The following CP variants were observed in gnomAD, a reference collection of about 807,000 sequenced individuals.
The protein encoded by CP is ceruloplasmin, also known as caeruloplasmin.
A neutral mutation model predicts 122.4 loss-of-function variants in CP; 64 were observed. The observed-to-expected ratio is 0.52, with a 90% CI of 0.43 to 0.64. CP has a LOEUF of 0.64. CP is among the 30% of genes least tolerant of loss of function. The pLI, the probability that CP is intolerant of heterozygous loss-of-function variation, is 0.00. For synonymous variants in CP, 440 were observed against 436.4 expected (o/e 1.01, Z -0.10); for missense variants, 1,167 against 1,284.4 (o/e 0.91, Z 1.40).
At chr3:149,198,639 C>G (rs980852256) in intron 8 of CP, 61 bp from the exon 9 acceptor site, 79 of 1,428,630 alleles carry the variant, frequency 5.5e-5, no homozygotes, top group Non-Finnish European at 6.9e-5. Context: ...ATTTGAGCCA[C>G]AAAGTAGACT....
chr3:149,185,099 G>A, intron 12 of CP, 140 bp downstream of exon 12: 5 of 753,764 alleles, frequency 6.6e-6, no homozygotes, highest in South Asian at 1.7e-5. Flanking sequence ...CCTAGGAAGT[G>A]TTTTGTTGTT....
rs1388895222 is a variant in CP at position 149,182,210 on chromosome 3, C to T, written c.2426-77G>A. ...TAAAAGCAAAGATCAGCAAAGATAA[C>T]TTGTTTCTCTCCCCCATGGGTTTGT... On this transcript the variant is annotated intron_variant, in intron 13 of 18. Transcript: ENST00000264613. 7 of 1,550,028 alleles carry T rather than the reference C, an allele frequency of 4.5e-6. No homozygotes were observed. The Admixed American group carries it at 1.0e-4, about 22-fold the overall frequency.
At position 149,179,653 on chromosome 3, in the gene CP, AGAGTTTCACCT is replaced by A. The variant is rs758032818; in HGVS notation, c.2555-2_2563del. 6.2e-7 allele frequency: 1 copy of A among 1,612,016 alleles called. No homozygotes were observed. The highest frequency in any genetic ancestry group is 2.2e-5 in the East Asian group (1 of 44,704). ...TTCTGGGATTTTCCATACGTAAGTG[AGAGTTTCACCT>A]AAATTCATCAAGTGTTAATGGATCT... On this transcript the variant is annotated splice_acceptor_variant and coding_sequence_variant, in exon 15 of 19. Transcript: ENST00000264613. LOFTEE classifies it high-confidence loss of function.
In CP at chr3:149,176,429, A is replaced by G; in HGVS notation, c.3019-17T>C. The G allele has an allele frequency of 6.4e-7, 1 of 1,572,122 alleles. No homozygotes were observed. The highest frequency in any genetic ancestry group is 8.8e-7 in the Non-Finnish European group (1 of 1,141,940). ...TCCCCTGTGCTTAATTAGAAAAATG[A>G]CAAATAATGTATAATATTGTATATG... On this transcript the variant is annotated splice_polypyrimidine_tract_variant and intron_variant, in intron 17 of 18. Coordinates refer to ENST00000264613, the MANE Select transcript of CP (RefSeq NM_000096.4).
chr3:149,186,221 T>C, intron 11 of CP: 1 of 428,004 alleles, frequency 2.3e-6, no homozygotes, highest in South Asian at 2.3e-5. Flanking sequence ...CTAGTCTGAT[T>C]TTCCAGCTAT....
intron 2 of CP, among the ~76,000 whole-genome samples, chr3:149,212,237 G>A (rs920005377): frequency 3.3e-5 from 5 of 151,944 alleles, no homozygotes; most frequent in African/African-American, 7.3e-5. Context: ...CTTGAACCCC[G>A]GATGCGGTGC....
intron 1 of CP, chr3:149,217,720 A>G: frequency 5.3e-6 from 1 of 188,544 alleles, no homozygotes; most frequent in Non-Finnish European, 1.1e-5. Flanking sequence ...TTCTTTAAAA[A>G]TATTTTATTT....
At chr3:149,167,941 TGTG>T (rs750099827), downstream of CP, 25 of 1,607,230 alleles carry the variant, frequency 1.6e-5, no homozygotes, top group African/African-American at 2.7e-5. Context: ...GAGAATAAAA[TGTG>T]GTGGAGAGAA....
chr3:149,173,686 T>C lies in CP; in HGVS notation c.*28A>G, dbSNP rs752870603. ...GTTATGAATCATTGGTTTTTCTCTT[T>C]TTTCCACTTATCACCAATTTATTTC... On this transcript the variant is annotated 3_prime_UTR_variant, in exon 19 of 19. Transcript: ENST00000264613. 10 of 1,421,418 alleles carry C rather than the reference T, an allele frequency of 7.0e-6. No homozygotes were observed. The highest frequency in any genetic ancestry group is 8.8e-6 in the Non-Finnish European group (9 of 1,026,576). The allele number at this position is 1,421,418 out of a possible 1,614,324, so 88.1% of individuals were successfully genotyped here.
chr3:149,196,205 CAAAT>C (rs1176723098), intron 9 of CP, among the ~76,000 whole-genome samples: 4 of 151,996 alleles, frequency 2.6e-5, no homozygotes, highest in Admixed American at 6.5e-5. Flanking sequence ...TGGGATGAAT[CAAAT>C]GAATATGTTG....
intron 4 of CP, among the ~76,000 whole-genome samples, chr3:149,207,827 A>G (rs1727849825): frequency 6.6e-6 from 1 of 152,180 alleles, no homozygotes; most frequent in African/African-American, 2.4e-5. Flanking sequence ...TCTTATCAAT[A>G]CCATATTAAC....
rs71304221 is a variant in CP at position 149,179,711 on chromosome 3, TACAC to T, written c.2555-53_2555-50del. The T allele has an allele frequency of 0.055, 33,500 of 604,868 alleles. 161 individuals carry two copies. The highest frequency in any genetic ancestry group is 0.072 in the Middle Eastern group (174 of 2,430). The allele number at this position is 604,868 out of a possible 1,614,324, so 37.5% of individuals were successfully genotyped here. A position where few individuals can be genotyped will look rare whatever the true frequency, so the allele number is the denominator to read the frequency against. ...ATCTGGTTGTATTTGGTTTATATTG[TACAC>T]ACACACACACACACACACACACACA... On this transcript the variant is annotated intron_variant, in intron 14 of 18. Coordinates refer to ENST00000264613, the MANE Select transcript of CP (RefSeq NM_000096.4).
intron 11 of CP, chr3:149,186,294 C>G: frequency 1.7e-6 from 1 of 576,232 alleles, no homozygotes; most frequent in Non-Finnish European, 3.1e-6. Flanking sequence ...TGGAGAAAAC[C>G]ACACCATGTT....
downstream of CP, among the ~76,000 whole-genome samples, chr3:149,169,284 G>C (rs530416442): frequency 2.6e-5 from 4 of 152,164 alleles, no homozygotes; most frequent in Non-Finnish European, 5.9e-5. Context: ...GTTGTACACT[G>C]AAAAGAGCCC....
At chr3:149,164,537 A>G (rs1458214498) in intron 5 of CP, among the ~76,000 whole-genome samples, 2 of 152,210 alleles carry the variant, frequency 1.3e-5, no homozygotes, top group African/African-American at 4.8e-5. Flanking sequence ...CCACATGAGC[A>G]TATGATTTTA....
At position 149,185,129 on chromosome 3, in the gene CP, T is replaced by C. The variant is rs1576739947; in HGVS notation, c.2285+110A>G. 1.4e-5 allele frequency: 12 copies of C among 886,932 alleles called. No homozygotes were observed. The East Asian group carries it at 2.4e-4, about 18-fold the overall frequency. The allele number at this position is 886,932 out of a possible 1,614,324, so 54.9% of individuals were successfully genotyped here. A position where few individuals can be genotyped will look rare whatever the true frequency, so the allele number is the denominator to read the frequency against. ...GTTGTTGTTGTTGTTGTTGTTGTTA[T>C]TGTTTAATGCAACTTTTTTTTTTTT... On this transcript the variant is annotated intron_variant, in intron 12 of 18. Coordinates refer to ENST00000264613, the MANE Select transcript of CP (RefSeq NM_000096.4).
At chr3:149,187,362 C>T (rs924757292) in intron 10 of CP, among the ~76,000 whole-genome samples, 1 of 152,076 alleles carries the variant, frequency 6.6e-6, no homozygotes. Context: ...CTATTGGCTA[C>T]AATAATTTTT....
chr3:149,205,366 C>A, intron 6 of CP, among the ~76,000 whole-genome samples: 1 of 148,240 alleles, frequency 6.7e-6, no homozygotes, highest in South Asian at 2.1e-4. Context: ...GCATATCCAG[C>A]TAGAAGCGGA....
chr3:149,199,062 C>T (rs1465154561), intron 8 of CP, among the ~76,000 whole-genome samples: 1 of 152,112 alleles, frequency 6.6e-6, no homozygotes, highest in Non-Finnish European at 1.5e-5. Context: ...TTTGAATAAC[C>T]TGTTCACAGT....
Sources: gnomAD v4.1 joint callset for allele counts (sites outside exome capture counted in the v4.1 genomes callset) on GRCh38, gnomAD v4.1.1 for gene constraint, MANE v1.5 for transcripts, NCBI Gene and HGNC (gene_info 2026-07-23, HGNC 2026-07-21) for gene names.